AUTS2: variants seen among roughly 807,000 people sequenced by gnomAD.
The protein encoded by AUTS2 is autism susceptibility gene 2 protein.
Under a neutral mutation model 112.4 loss-of-function variants are expected in AUTS2, and 17 were observed. The observed-to-expected ratio is 0.15, with a 90% CI of 0.10 to 0.23. The LOEUF (loss-of-function observed/expected upper bound fraction) is 0.23. Ranked by LOEUF, AUTS2 falls within the 10% of genes least tolerant of loss-of-function variation. The probability of loss-of-function intolerance (pLI) is 1.00; values close to 1 mark genes in which losing one functional copy is unlikely to be tolerated. For missense variants in AUTS2, 1,510 were observed against 1,701.6 expected (o/e 0.89, Z 1.98); for synonymous variants, 751 against 702.7 (o/e 1.07, Z -1.09).
chr7:70,308,571 A>G (rs1433683370), intron 4 of AUTS2, among the ~76,000 whole-genome samples: 1 of 152,208 alleles, frequency 6.6e-6, no homozygotes, highest in Non-Finnish European at 1.5e-5. Flanking sequence ...ATGTTTACCA[A>G]ATATTGTCAC....
At chr7:69,664,844 G>A (rs765120600) in intron 1 of AUTS2, among the ~76,000 whole-genome samples, 3 of 152,174 alleles carry the variant, frequency 2.0e-5, no homozygotes, top group Admixed American at 1.3e-4. Context: ...TTGGTGTACC[G>A]TGTGAGATCC....
chr7:69,760,823 A>AAAT (rs937952064), intron 1 of AUTS2, among the ~76,000 whole-genome samples: 3 of 152,234 alleles, frequency 2.0e-5, no homozygotes, highest in Non-Finnish European at 2.9e-5. Context: ...CCGTCTCAAA[A>AAAT]AATAATAATA....
At chr7:70,674,201 G>A (rs1807795353) in intron 5 of AUTS2, among the ~76,000 whole-genome samples, 1 of 152,206 alleles carries the variant, frequency 6.6e-6, no homozygotes, top group Admixed American at 6.5e-5. Context: ...AGAAAGGAAT[G>A]TTCAGGCATT....
At chr7:70,731,993 C>T (rs1041263939) in intron 6 of AUTS2, among the ~76,000 whole-genome samples, 4 of 152,156 alleles carry the variant, frequency 2.6e-5, no homozygotes, top group African/African-American at 7.2e-5. Flanking sequence ...ATCTAATCAG[C>T]TCTTCAGATT....
At chr7:69,614,171 A>G (rs1793195848) in intron 1 of AUTS2, among the ~76,000 whole-genome samples, 1 of 152,088 alleles carries the variant, frequency 6.6e-6, no homozygotes, top group Admixed American at 6.6e-5. Flanking sequence ...GAACTGGTCC[A>G]TTACCATTCA....
intron 1 of AUTS2, among the ~76,000 whole-genome samples, chr7:69,818,507 G>A (rs1209112201): frequency 1.3e-5 from 2 of 152,150 alleles, no homozygotes; most frequent in Non-Finnish European, 2.9e-5. Flanking sequence ...TATTAAATGT[G>A]CTTTATATCA....
At chr7:70,053,544 G>GTTTTTTTTTTTGTTTTTTTTTTTTTT (rs374585322) in intron 2 of AUTS2, among the ~76,000 whole-genome samples, 1 of 127,848 alleles carries the variant, frequency 7.8e-6, no homozygotes, top group African/African-American at 3.1e-5. Flanking sequence ...GTTTTGGGTG[G>GTTTTTTTTTTTGTTTTTTTTTTTTTT]TTTTTTTTTT....
At chr7:70,415,304 T>C (rs1794943826) in intron 4 of AUTS2, among the ~76,000 whole-genome samples, 1 of 152,340 alleles carries the variant, frequency 6.6e-6, no homozygotes, top group Middle Eastern at 3.4e-3. Flanking sequence ...TCTCTGATTT[T>C]TTCATTATGT....
At chr7:70,617,662 C>CAG (rs1207134303) in intron 5 of AUTS2, among the ~76,000 whole-genome samples, 11 of 106,410 alleles carry the variant, frequency 1.0e-4, no homozygotes, top group Non-Finnish European at 2.0e-4. Context: ...GACACTGTCT[C>CAG]AGAGAAAAAA....
At chr7:70,273,085 G>A (rs527644998) in intron 4 of AUTS2, among the ~76,000 whole-genome samples, 3 of 152,212 alleles carry the variant, frequency 2.0e-5, no homozygotes, top group South Asian at 4.1e-4. Flanking sequence ...GTCTCACTCT[G>A]TCTCCCAGTC....
At chr7:70,302,907 T>C (rs1472705770) in intron 4 of AUTS2, among the ~76,000 whole-genome samples, 1 of 133,154 alleles carries the variant, frequency 7.5e-6, no homozygotes, top group Non-Finnish European at 1.6e-5. Flanking sequence ...AAAGATCTTC[T>C]TTTTTTTTTT....
chr7:70,527,477 T>C (rs1331018037), intron 5 of AUTS2, among the ~76,000 whole-genome samples: 1 of 152,142 alleles, frequency 6.6e-6, no homozygotes, highest in Non-Finnish European at 1.5e-5. Context: ...GTTTATGTGA[T>C]AAAATTCTAG....
Position 70,631,785 on chromosome 7 carries a change from C to T in AUTS2, c.691-66784C>T, listed in dbSNP as rs1390916404. ...AAATATCCTTGAATCAATACTGCTG[C>T]TTGACAGCATCTCCAGCCCCGCGCC... On this transcript the variant is annotated intron_variant, in intron 5 of 18. Coordinates refer to ENST00000342771, the MANE Select transcript of AUTS2 (RefSeq NM_015570.4). The surrounding 1 kb of genome is among the most constrained non-coding windows in gnomAD (Gnocchi z 4.5). 1.3e-5 allele frequency among the ~76,000 whole-genome samples: 2 copies of T among 152,156 alleles called. No individual in the cohort carries two copies. The highest frequency in any genetic ancestry group is 2.9e-5 in the Non-Finnish European group (2 of 68,040).
intron 5 of AUTS2, among the ~76,000 whole-genome samples, chr7:70,478,745 T>TG (rs1351611359): frequency 1.3e-5 from 2 of 149,358 alleles, no homozygotes; most frequent in African/African-American, 4.9e-5. Context: ...CAAGACTTGT[T>TG]TTTTTTTTTT....
chr7:70,501,687 A>G (rs1798778336), intron 5 of AUTS2, among the ~76,000 whole-genome samples: 1 of 152,034 alleles, frequency 6.6e-6, no homozygotes, highest in South Asian at 2.1e-4. Flanking sequence ...CAGTGTCATG[A>G]ACCTCCCCCT....
chr7:70,227,705 A>G (rs111897518), intron 4 of AUTS2, among the ~76,000 whole-genome samples: 1 of 152,110 alleles, frequency 6.6e-6, no homozygotes, highest in Non-Finnish European at 1.5e-5. Context: ...CTCATTGGCT[A>G]TTTAGAAGTC....
At chr7:70,202,992 T>TAC (rs1385366011) in intron 4 of AUTS2, among the ~76,000 whole-genome samples, 1 of 120,264 alleles carries the variant, frequency 8.3e-6, no homozygotes, top group East Asian at 2.6e-4. Flanking sequence ...GTGGCACATA[T>TAC]ACACCATGGA....
intron 1 of AUTS2, among the ~76,000 whole-genome samples, chr7:69,761,461 T>C (rs1314934281): frequency 1.3e-5 from 2 of 152,194 alleles, no homozygotes; most frequent in Non-Finnish European, 2.9e-5. Context: ...AGAATGCCTT[T>C]CCTGGGCTGT....
intron 4 of AUTS2, among the ~76,000 whole-genome samples, chr7:70,239,768 G>T (rs1039070248): frequency 7.2e-5 from 11 of 152,116 alleles, no homozygotes; most frequent in Admixed American, 5.9e-4. Context: ...AGGTGGTAAG[G>T]TTCATTCCAT....
Sources: gnomAD v4.1 joint callset for allele counts (sites outside exome capture counted in the v4.1 genomes callset) on GRCh38, gnomAD v4.1.1 for gene constraint, Gnocchi (gnomAD v3.1) non-coding constraint, MANE v1.5 for transcripts, NCBI Gene and HGNC (gene_info 2026-07-23, HGNC 2026-07-21) for gene names.